The following GRXCR2 variants were observed in gnomAD, a reference collection of about 807,000 sequenced individuals.
GRXCR2 encodes the protein glutaredoxin and cysteine rich domain containing 2, also known as glutaredoxin domain-containing cysteine-rich protein 2.
In GRXCR2, 23 loss-of-function variants were observed where a neutral mutation model predicts 24.8. The ratio of observed to expected loss-of-function variants is 0.93; its 90% CI spans 0.67 to 1.32. The LOEUF is 1.32. Ranked by LOEUF, GRXCR2 falls within the 40% of genes most tolerant of loss-of-function variation. The probability of loss-of-function intolerance (pLI) is 0.00; values close to 1 mark genes in which losing one functional copy is unlikely to be tolerated. For synonymous variants in GRXCR2, 130 were observed against 116.1 expected, an observed-to-expected ratio of 1.12 and a Z score of -0.77; for missense variants, 315 against 303.4, an observed-to-expected ratio of 1.04 and a Z score of -0.28.
chr5:145,913,642 C>T (rs868343913), intron 2 of GRXCR2, among the ~76,000 whole-genome samples: 34 of 152,016 alleles, frequency 2.2e-4, no homozygotes, highest in Middle Eastern at 6.8e-3. Context: ...TTGGTCCAGC[C>T]CACAGAAGCT....
At chr5:145,925,773 C>T (rs1464442159) in intron 2 of GRXCR2, among the ~76,000 whole-genome samples, 1 of 152,054 alleles carries the variant, frequency 6.6e-6, no homozygotes, top group African/African-American at 2.4e-5. Context: ...TAAAAAATGT[C>T]TAATTGCTTT....
chr5:145,885,602 T>C (rs1423357968), intron 2 of GRXCR2, among the ~76,000 whole-genome samples: 3 of 152,242 alleles, frequency 2.0e-5, no homozygotes, highest in African/African-American at 7.2e-5. Flanking sequence ...GTTTGGAAAA[T>C]GCTGAGTTAA....
chr5:145,913,080 TAGTAC>T (rs1391710498), intron 2 of GRXCR2, among the ~76,000 whole-genome samples: 1 of 152,202 alleles, frequency 6.6e-6, no homozygotes, highest in Non-Finnish European at 1.5e-5. Flanking sequence ...GTGACAAAAG[TAGTAC>T]AGTAGAGACT....
chr5:145,872,720 C>T lies in GRXCR2; in HGVS notation c.249G>A (p.Gln83=). The change falls in exon 1 of 3, where the codon CAG becomes CAA. Residue 83 remains glutamine (Q), a synonymous_variant. Coordinates refer to ENST00000377976, the MANE Select transcript of GRXCR2 (RefSeq NM_001080516.2). ...TACCCTCTCTAAACACACTGATCCT[C>T]TGAGCAGTCAGCTTAGGGGAGCACA... The part of the protein sequence containing the change: ...PQMCSPKLTA[Q]RISVFREGNA... The T allele has an allele frequency of 6.2e-7, 1 of 1,613,934 alleles. No individual in the cohort carries two copies. Among genetic ancestry groups the T allele is most frequent in the Non-Finnish European group, 8.5e-7 (1 of 1,179,774 alleles).
chr5:145,896,517 A>C (rs1267164236), intron 2 of GRXCR2, among the ~76,000 whole-genome samples: 2 of 152,184 alleles, frequency 1.3e-5, no homozygotes, highest in Non-Finnish European at 2.9e-5. Context: ...ATGCAGCCAA[A>C]AGGCACATGA....
At chr5:145,880,553 C>T (rs544497439) in intron 2 of GRXCR2, among the ~76,000 whole-genome samples, 26 of 152,176 alleles carry the variant, frequency 1.7e-4, no homozygotes, top group Non-Finnish European at 2.9e-4. Context: ...AGCCTACCAA[C>T]CAAAAAAAGT....
At chr5:145,909,896 C>T (rs985587506) in intron 2 of GRXCR2, among the ~76,000 whole-genome samples, 2 of 152,148 alleles carry the variant, frequency 1.3e-5, no homozygotes, top group Non-Finnish European at 2.9e-5. Context: ...CCTCACCCCT[C>T]GCTTCCCAAT....
intron 2 of GRXCR2, among the ~76,000 whole-genome samples, chr5:145,928,927 A>G (rs1757442020): frequency 6.6e-6 from 1 of 152,014 alleles, no homozygotes; most frequent in African/African-American, 2.4e-5. Flanking sequence ...TTACACTAGA[A>G]TATACATTCA....
chr5:145,929,199 C>CTATATA (rs72283862), intron 2 of GRXCR2, among the ~76,000 whole-genome samples: 6,544 of 116,318 alleles, frequency 0.056, 435 homozygotes, highest in African/African-American at 0.14. Context: ...ATATTCCCCC[C>CTATATA]TATATATATA....
At position 145,866,548 on chromosome 5, in the gene GRXCR2, G is replaced by A; in HGVS notation, c.517C>T (p.Pro173Ser). The change falls in exon 2 of 3, where the codon CCT (proline) becomes TCT (serine). Residue 173 changes from proline (P) to serine (S), a missense_variant. Pro to Ser is a moderately conservative substitution (Grantham distance 74). Coordinates refer to ENST00000377976, the MANE Select transcript of GRXCR2 (RefSeq NM_001080516.2). The part of the protein sequence containing the change: ...SYGGRDQHDR[P>S]LVEAESTLPQ... ...AATGTGCTTTCTGCCTCCACCAAAG[G>A]TCTATCGTGCTGGTCCCTGCCTCCA... 1.2e-6 allele frequency: 2 copies of A among 1,614,106 alleles called. No homozygotes were observed. Among genetic ancestry groups the A allele is most frequent in the Non-Finnish European group, 1.7e-6 (2 of 1,179,968 alleles).
intron 2 of GRXCR2, among the ~76,000 whole-genome samples, chr5:145,928,811 G>T (rs1184611836): frequency 6.8e-6 from 1 of 146,168 alleles, no homozygotes; most frequent in Non-Finnish European, 1.5e-5. Flanking sequence ...TAAATGACAA[G>T]TTAATGGGTG....
rs562393288 is a variant in GRXCR2 at position 145,893,447 on chromosome 5, G to T, written c.-69-26719C>A. Among the ~76,000 whole-genome samples, 5 of 152,208 alleles carry T rather than the reference G, an allele frequency of 3.3e-5. No homozygotes were observed. The East Asian group carries it at 5.8e-4, about 18-fold the overall frequency. ...AAAGGGATGGAGGAAGAACTACCAAGCAAATGGAAAACAAAAAAAGGCAGG... is the reference window on the plus strand; with the variant it reads ...AAAGGGATGGAGGAAGAACTACCAATCAAATGGAAAACAAAAAAAGGCAGG... On this transcript the variant is annotated intron_variant, in intron 2 of 3. Coordinates refer to the GRXCR2 transcript ENST00000639411.
chr5:145,863,196 C>T (rs1367083804), intron 2 of GRXCR2, among the ~76,000 whole-genome samples: 1 of 152,192 alleles, frequency 6.6e-6, no homozygotes, highest in Non-Finnish European at 1.5e-5. Flanking sequence ...TCACTGCTGC[C>T]CCGTTCCATC....
At chr5:145,913,626 C>G (rs1472794271) in intron 2 of GRXCR2, among the ~76,000 whole-genome samples, 1 of 152,016 alleles carries the variant, frequency 6.6e-6, no homozygotes, top group Non-Finnish European at 1.5e-5. Context: ...TTTATATGAA[C>G]TTACATTGGT....
chr5:145,890,830 T>C (rs1319447537), intron 2 of GRXCR2, among the ~76,000 whole-genome samples: 3 of 150,514 alleles, frequency 2.0e-5, no homozygotes, highest in African/African-American at 7.4e-5. Flanking sequence ...GAAGGGCAAG[T>C]TGAATTAAAA....
At position 145,864,539 on chromosome 5, in the gene GRXCR2, G is replaced by A. The variant is rs574487060; in HGVS notation, c.564+1962C>T. 2.6e-5 allele frequency among the ~76,000 whole-genome samples: 4 copies of A among 152,172 alleles called. 1 individual carries two copies. In the South Asian group the frequency reaches 8.3e-4, roughly 32 times the overall value. The stretch of plus-strand genomic sequence containing the variant: ...CTGGTGGAAGGTGATTGGATCATGG[G>A]GGCAGTTTCCCTCATGCTGTTCTCG... On this transcript the variant is annotated intron_variant, in intron 2 of 2. Coordinates refer to ENST00000377976, the MANE Select transcript of GRXCR2 (RefSeq NM_001080516.2).
intron 2 of GRXCR2, among the ~76,000 whole-genome samples, chr5:145,909,615 G>C (rs564053060): frequency 1.3e-5 from 2 of 152,252 alleles, no homozygotes; most frequent in African/African-American, 4.8e-5. Context: ...GTTGTGGTCT[G>C]TCTCCTCTCG....
At chr5:145,908,550 AG>A (rs1429914506) in intron 2 of GRXCR2, among the ~76,000 whole-genome samples, 1 of 152,258 alleles carries the variant, frequency 6.6e-6, no homozygotes, top group African/African-American at 2.4e-5. Flanking sequence ...AAATGTTAAT[AG>A]AAGCAGTATT....
chr5:145,864,881 A>G (rs1756401932), intron 2 of GRXCR2, among the ~76,000 whole-genome samples: 1 of 152,140 alleles, frequency 6.6e-6, no homozygotes, highest in South Asian at 2.1e-4. Flanking sequence ...GCAGGTTGGA[A>G]AGGTACCTGA....
Sources: gnomAD v4.1 joint callset for allele counts (sites outside exome capture counted in the v4.1 genomes callset) on GRCh38, gnomAD v4.1.1 for gene constraint, MANE v1.5 for transcripts, NCBI Gene and HGNC (gene_info 2026-07-23, HGNC 2026-07-21) for gene names.